ZNF185: variants seen among roughly 807,000 people sequenced by gnomAD.
ZNF185 encodes zinc finger protein 185.
A neutral mutation model predicts 58.6 loss-of-function variants in ZNF185; 56 were observed. The ratio of observed to expected loss-of-function variants is 0.95; its 90% CI spans 0.77 to 1.19. The LOEUF (loss-of-function observed/expected upper bound fraction) is 1.19. Ranked by LOEUF, ZNF185 falls within the 50% of genes most tolerant of loss-of-function variation. ZNF185 has a pLI of 0.00. For synonymous variants in ZNF185, 230 were observed against 215.9 expected, an observed-to-expected ratio of 1.07 and a Z score of -0.57; for missense variants, 627 against 573.5, an observed-to-expected ratio of 1.09 and a Z score of -0.95.
intron 14 of ZNF185, 35 bp from the exon 17 acceptor site, chrX:152,938,039 C>T (rs1017264797): frequency 8.6e-7 from 1 of 1,158,149 alleles, no homozygotes. Context: ...CTTCTTTGGT[C>T]TGAGATCTCA....
intron 3 of ZNF185, among the ~76,000 whole-genome samples, chrX:152,916,169 T>C (rs782054646): frequency 1.8e-5 from 2 of 111,807 alleles, no homozygotes; most frequent in South Asian, 3.7e-4. Flanking sequence ...CATGGCCACC[T>C]CTGGGAGGCT....
rs782079425 is a variant in ZNF185 at position 152,916,453 on chromosome X, C to A, written c.225-678C>A. 5.4e-5 allele frequency among the ~76,000 whole-genome samples: 6 copies of A among 111,954 alleles called. No individual in the cohort carries two copies. The South Asian group carries it at 2.3e-3, about 42-fold the overall frequency. On this transcript the variant is annotated intron_variant, in intron 3 of 22. Coordinates refer to ENST00000449285, the Ensembl canonical transcript of ZNF185. Reference sequence around the variant, plus strand: ...GCCCCCTGAGTTATCTGAGCCCCCTCAGTTGCTGCCAAGCAGGAGGTCCCA... The same window carrying A: ...GCCCCCTGAGTTATCTGAGCCCCCTAAGTTGCTGCCAAGCAGGAGGTCCCA...
At chrX:152,909,084 T>C in the ZNF185 span, among the ~76,000 whole-genome samples, 6 of 112,922 alleles carry the variant, frequency 5.3e-5, no homozygotes, top group Non-Finnish European at 5.6e-5. Context: ...TGGGGAGGGC[T>C]GGAGTCCTGC....
At chrX:152,942,351 C>T (rs1303685743) in intron 15 of ZNF185, among the ~76,000 whole-genome samples, 1 of 111,609 alleles carries the variant, frequency 9.0e-6, no homozygotes, top group African/African-American at 3.3e-5. Flanking sequence ...CAAGCTCTGT[C>T]ACTTACAAGC....
At chrX:152,955,151 G>A (rs992695591) in intron 16 of ZNF185, among the ~76,000 whole-genome samples, 2 of 111,885 alleles carry the variant, frequency 1.8e-5, no homozygotes, top group Non-Finnish European at 3.8e-5. Context: ...CCTAAGTTAG[G>A]TTTTCAATTT....
chrX:152,920,548 A>G, intron 8 of ZNF185, 137 bp downstream of exon 9: 1 of 942,261 alleles, frequency 1.1e-6, no homozygotes, highest in East Asian at 3.2e-5. Context: ...TCAGATTCTC[A>G]GATGTACTTT....
chrX:152,905,276 G>A, the ZNF185 span, among the ~76,000 whole-genome samples: 21 of 112,759 alleles, frequency 1.9e-4, no homozygotes, highest in African/African-American at 5.8e-4. Context: ...CAGTCTGGCC[G>A]CAGAGAGGGA....
At chrX:152,960,627 C>T (rs2125917086) in intron 17 of ZNF185, among the ~76,000 whole-genome samples, 1 of 112,180 alleles carries the variant, frequency 8.9e-6, no homozygotes, top group African/African-American at 3.2e-5. Flanking sequence ...ATTTTGAAAT[C>T]CTAGGTGACT....
rs781880732 is a variant in ZNF185 at position 152,968,808 on chromosome X, G to A, written c.1872-574G>A. On this transcript the variant is annotated intron_variant, in intron 20 of 22. Coordinates refer to ENST00000449285, the Ensembl canonical transcript of ZNF185. ...CAGTCTGAGGAAGAAAAGCAGAGGTGACTCTCAGAAACAGGCATCCTGGAA... is the reference window on the plus strand; with the variant it reads ...CAGTCTGAGGAAGAAAAGCAGAGGTAACTCTCAGAAACAGGCATCCTGGAA... 8.9e-5 allele frequency among the ~76,000 whole-genome samples: 10 copies of A among 112,795 alleles called. No individual in the cohort carries two copies. The South Asian group carries it at 3.6e-3, about 41-fold the overall frequency.
At chrX:152,951,261 A>C (rs193077009) in intron 16 of ZNF185, among the ~76,000 whole-genome samples, 1 of 111,255 alleles carries the variant, frequency 9.0e-6, no homozygotes, top group Non-Finnish European at 1.9e-5. Flanking sequence ...TAGCCTAAGA[A>C]AATTTTGTTA....
chrX:152,948,119 A>G (rs2047959459), intron 16 of ZNF185, among the ~76,000 whole-genome samples: 1 of 111,895 alleles, frequency 8.9e-6, no homozygotes, highest in South Asian at 3.7e-4. Flanking sequence ...ACCGTCATGG[A>G]AACCAAGCCA....
At chrX:152,968,326 C>T (rs182073643) in intron 20 of ZNF185, among the ~76,000 whole-genome samples, 293 of 112,682 alleles carry the variant, frequency 2.6e-3, no homozygotes, top group Non-Finnish European at 4.9e-3. Flanking sequence ...AAACCAGATA[C>T]TCTAGGGACC....
At chrX:152,938,896 C>T (rs1458556378) in intron 15 of ZNF185, among the ~76,000 whole-genome samples, 1 of 85,636 alleles carries the variant, frequency 1.2e-5, no homozygotes, top group African/African-American at 5.6e-5. Context: ...GCAACTCAGG[C>T]GATCTCCTCT....
At chrX:152,921,341 C>T (rs1327832299) in intron 9 of ZNF185, among the ~76,000 whole-genome samples, 1 of 111,424 alleles carries the variant, frequency 9.0e-6, no homozygotes, top group Non-Finnish European at 1.9e-5. Flanking sequence ...GAAGGCCTCT[C>T]TCTGTGCTGA....
the ZNF185 span, among the ~76,000 whole-genome samples, chrX:152,898,595 C>T: frequency 1.5e-4 from 17 of 112,393 alleles, no homozygotes; most frequent in South Asian, 7.4e-4. Context: ...CAGGGAATCT[C>T]ATATCCCTCC....
At chrX:152,938,967 CACAAACCAACTAACCCTGAGGTGGGA>C (rs1556885993) in intron 15 of ZNF185, among the ~76,000 whole-genome samples, 25 of 107,089 alleles carry the variant, frequency 2.3e-4, no homozygotes, top group Non-Finnish European at 9.8e-5. Flanking sequence ...GATAAGGAAC[CACAAACCAACTAACCCTGAGGTGGGA>C]ACATGCTTAG....
At chrX:152,938,214 T>C in intron 15 of ZNF185, 51 bp downstream of exon 17, 1 of 1,110,478 alleles carries the variant, frequency 9.0e-7, no homozygotes, top group Non-Finnish European at 1.2e-6. Flanking sequence ...AGAGGCAGCT[T>C]GGGCTGTGTG....
intron 19 of ZNF185, 44 bp downstream of exon 21, chrX:152,965,571 C>T (rs781931563): frequency 1.7e-5 from 18 of 1,062,495 alleles, no homozygotes; most frequent in Non-Finnish European, 2.2e-5. Context: ...CTTCTCCTGC[C>T]GGCTCCCATA....
chrX:152,904,262 T>C, the ZNF185 span, among the ~76,000 whole-genome samples: 5 of 111,925 alleles, frequency 4.5e-5, no homozygotes, highest in African/African-American at 1.6e-4. Context: ...ACTAGGAGGC[T>C]CAGACGGGAT....
Sources: gnomAD v4.1 joint callset for allele counts (sites outside exome capture counted in the v4.1 genomes callset) on GRCh38, gnomAD v4.1.1 for gene constraint, MANE v1.5 for transcripts, NCBI Gene and HGNC (gene_info 2026-07-23, HGNC 2026-07-21) for gene names.